The following CTNNA2 variants were observed in gnomAD, a reference collection of about 807,000 sequenced individuals.
CTNNA2 encodes the protein catenin alpha 2.
Under a neutral mutation model 101.0 loss-of-function variants are expected in CTNNA2, and 42 were observed. The ratio of observed to expected loss-of-function variants is 0.42; its 90% confidence interval spans 0.32 to 0.54. The LOEUF (loss-of-function observed/expected upper bound fraction) is 0.54, where lower values mean the gene tolerates loss of function less well. Ranked by LOEUF, CTNNA2 falls within the 20% of genes least tolerant of loss-of-function variation. CTNNA2 has a pLI of 0.14. For missense variants in CTNNA2, 871 were observed against 1,223.1 expected, an observed-to-expected ratio of 0.71 and a Z score of 4.29; for synonymous variants, 450 against 456.4, an observed-to-expected ratio of 0.99 and a Z score of 0.18.
chr2:80,611,333 G>A (rs1319596606), intron 17 of CTNNA2, among the ~76,000 whole-genome samples: 1 of 150,916 alleles, frequency 6.6e-6, no homozygotes, highest in African/African-American at 2.4e-5. Context: ...TAGAAGAGAA[G>A]AGGCATAAAA....
chr2:80,594,424 A>T (rs1295713765), intron 15 of CTNNA2, among the ~76,000 whole-genome samples: 1 of 152,046 alleles, frequency 6.6e-6, no homozygotes, highest in Non-Finnish European at 1.5e-5. Flanking sequence ...AATTCCTGAT[A>T]AAGAATTACT....
intron 2 of CTNNA2, among the ~76,000 whole-genome samples, chr2:79,214,976 AT>A (rs1229534899): frequency 6.6e-6 from 1 of 151,984 alleles, no homozygotes; most frequent in Non-Finnish European, 1.5e-5. Flanking sequence ...CTCCGTATTG[AT>A]TAAGAAGGGG....
intron 7 of CTNNA2, among the ~76,000 whole-genome samples, chr2:80,287,155 G>C (rs1414562691): frequency 6.6e-6 from 1 of 152,136 alleles, no homozygotes; most frequent in Non-Finnish European, 1.5e-5. Flanking sequence ...CCTCATAGCT[G>C]TCTTTACAAC....
intron 7 of CTNNA2, among the ~76,000 whole-genome samples, chr2:80,333,835 C>T (rs1321890245): frequency 1.3e-5 from 2 of 152,188 alleles, no homozygotes; most frequent in Non-Finnish European, 2.9e-5. Context: ...GTTGGCCAGT[C>T]TGGTCTCAAA....
intron 8 of CTNNA2, among the ~76,000 whole-genome samples, chr2:80,415,385 C>T (rs1057308059): frequency 2.0e-5 from 3 of 152,124 alleles, no homozygotes; most frequent in African/African-American, 7.2e-5. Context: ...CTGGAGTCAG[C>T]CCTTTCTCCA....
At chr2:79,304,134 G>T (rs1249351987) in intron 2 of CTNNA2, among the ~76,000 whole-genome samples, 1 of 152,128 alleles carries the variant, frequency 6.6e-6, no homozygotes, top group Non-Finnish European at 1.5e-5. Context: ...GGAGCTGGTT[G>T]TATAAGGCAC....
intron 2 of CTNNA2, among the ~76,000 whole-genome samples, chr2:79,737,197 A>C (rs1310985630): frequency 6.6e-6 from 1 of 152,086 alleles, no homozygotes; most frequent in African/African-American, 2.4e-5. Context: ...AAAATACAAA[A>C]AATTAGCTGG....
chr2:80,396,018 C>G (rs919314240), intron 8 of CTNNA2, among the ~76,000 whole-genome samples: 1 of 151,990 alleles, frequency 6.6e-6, no homozygotes, highest in East Asian at 1.9e-4. Context: ...GTTTTAGCCA[C>G]CAAATTGAAA....
chr2:79,688,312 A>G (rs1225641826), intron 2 of CTNNA2, among the ~76,000 whole-genome samples: 1 of 152,118 alleles, frequency 6.6e-6, no homozygotes, highest in African/African-American at 2.4e-5. Context: ...CATCTATAAA[A>G]GCTACATATA....
chr2:79,989,280 C>T (rs1316451573), intron 7 of CTNNA2, among the ~76,000 whole-genome samples: 1 of 152,176 alleles, frequency 6.6e-6, no homozygotes, highest in African/African-American at 2.4e-5. Flanking sequence ...AGCCTGCTCT[C>T]GGCTTTGAGA....
intron 7 of CTNNA2, among the ~76,000 whole-genome samples, chr2:80,188,944 C>CT (rs34090029): frequency 0.019 from 1,445 of 74,722 alleles, 168 homozygotes; most frequent in Non-Finnish European, 0.025. Context: ...CAGGTGGTCA[C>CT]TTTTTTTTTT....
At chr2:79,874,465 T>C in intron 6 of CTNNA2, 123 bp downstream of exon 6, 2 of 1,189,094 alleles carry the variant, frequency 1.7e-6, no homozygotes, top group South Asian at 1.5e-5. Context: ...GAGGTTTTAA[T>C]AGTAAGATAA....
intron 7 of CTNNA2, among the ~76,000 whole-genome samples, chr2:79,966,434 C>G (rs915275968): frequency 1.3e-5 from 2 of 152,104 alleles, no homozygotes; most frequent in Admixed American, 1.3e-4. Flanking sequence ...TAAAGTCTTT[C>G]TATGTTGTTT....
chr2:80,369,696 C>T (rs1313371424), intron 7 of CTNNA2, among the ~76,000 whole-genome samples: 2 of 152,064 alleles, frequency 1.3e-5, no homozygotes, highest in Non-Finnish European at 2.9e-5. Context: ...TCAGGTGGAT[C>T]CAGTTTAATC....
At chr2:79,365,696 T>G (rs1677733745) in intron 3 of CTNNA2, among the ~76,000 whole-genome samples, 1 of 152,002 alleles carries the variant, frequency 6.6e-6, no homozygotes. Flanking sequence ...TTCCAGGTTT[T>G]TTGTTTTTTG....
In CTNNA2 at chr2:80,345,420, C is replaced by T. The variant is rs150165864; in HGVS notation, c.1057-47791C>T. The stretch of plus-strand genomic sequence containing the variant: ...CTCAAGTGGCACCTCCTCCATAAGA[C>T]CTTCCTTGTCTGTACTGTTCTAAAT... On this transcript the variant is annotated intron_variant, in intron 7 of 18. Transcript: ENST00000402739. 2.6e-5 allele frequency among the ~76,000 whole-genome samples: 4 copies of T among 152,262 alleles called. No individual in the cohort carries two copies. In the South Asian group the frequency reaches 6.2e-4, roughly 24 times the overall value.
intron 6 of CTNNA2, among the ~76,000 whole-genome samples, chr2:79,880,727 G>A (rs1683364924): frequency 6.6e-6 from 1 of 151,928 alleles, no homozygotes; most frequent in South Asian, 2.1e-4. Flanking sequence ...TATTGGTCTA[G>A]TTAGTGGTTT....
intron 1 of CTNNA2, among the ~76,000 whole-genome samples, chr2:79,187,270 C>CTTTTTTTTTTTTTTTTTTTTTTTTTTTT (rs781414965): frequency 1.2e-4 from 8 of 65,440 alleles, no homozygotes; most frequent in Non-Finnish European, 2.2e-4. Context: ...CTTTTCTTTT[C>CTTTTTTTTTTTTTTTTTTTTTTTTTTTT]TTTTTTTTTT....
intron 7 of CTNNA2, chr2:80,299,520 T>C (rs540969905): frequency 1.1e-4 from 16 of 152,188 alleles, no homozygotes; most frequent in Non-Finnish European, 2.2e-4. Flanking sequence ...TAGCTTTCTA[T>C]GGTCATCATT....
Sources: allele counts gnomAD v4.1 joint callset (sites outside exome capture counted in the v4.1 genomes callset), GRCh38; gene constraint gnomAD v4.1.1; transcripts MANE v1.5; gene names NCBI Gene and HGNC (gene_info 2026-07-23, HGNC 2026-07-21).